MASP2: variants seen among roughly 807,000 people sequenced by gnomAD.
MASP2 encodes mannan-binding lectin serine protease 2.
A neutral mutation model predicts 57.1 loss-of-function variants in MASP2; 49 were observed. That is an observed-to-expected ratio of 0.86 (90% CI 0.68 to 1.09). MASP2 has a LOEUF of 1.09. Ranked by LOEUF, MASP2 falls within the 50% of genes least tolerant of loss-of-function variation. MASP2 has a pLI of 0.00. For synonymous variants in MASP2, 379 were observed against 340.8 expected, an observed-to-expected ratio of 1.11 and a Z score of -1.24; for missense variants, 900 against 874.8, an observed-to-expected ratio of 1.03 and a Z score of -0.36.
chr1:11,040,957 AGATG>A (rs757808259), intron 6 of MASP2, among the ~76,000 whole-genome samples: 10 of 146,698 alleles, frequency 6.8e-5, no homozygotes, highest in African/African-American at 1.3e-4. Context: ...ATAGCTGGAA[AGATG>A]GATGGATGGA....
In MASP2 at chr1:11,027,048, C is replaced by T; in HGVS notation, c.1898G>A (p.Ser633Asn). ...SGGKDSCRGD[S>N]GGALVFLDSE... ...ATCTAGAAACACCAGTGCCCCTCCG[C>T]TGTCACCTCTGCAGCTGTCCTTGCC... is the stretch of plus-strand genomic sequence containing the variant. The change falls in exon 11 of 11, where the codon AGC (serine) becomes AAC (asparagine). Residue 633 changes from serine to asparagine, a missense_variant. Transcript: ENST00000400897. 6.3e-7 allele frequency: 1 copy of T among 1,593,604 alleles called. No homozygotes were observed.
rs769743224 is a variant in MASP2, at chr1:11,043,425, C to T, written c.655G>A (p.Glu219Lys). 1 of 1,610,954 alleles carries T rather than the reference C, an allele frequency of 6.2e-7. No individual in the cohort carries two copies. The highest frequency in any genetic ancestry group is 1.7e-5 in the Admixed American group (1 of 59,616). The change falls in exon 5 of 11, where the codon GAG becomes AAG. Residue 219 changes from glutamate to lysine, a missense_variant. Transcript: ENST00000400897. ...AAGTCCAGAATGACACTGAACCCCTCCTCCAGGCTGATGCTGTAAGTGCAA... is the reference window on the plus strand; with the variant it reads ...AAGTCCAGAATGACACTGAACCCCTTCTCCAGGCTGATGCTGTAAGTGCAA... ...SSCTYSISLEEGFSVILDFVE... is the reference protein window; with the variant it reads ...SSCTYSISLEKGFSVILDFVE...
chr1:11,044,095 C>T (rs907137806), intron 4 of MASP2, among the ~76,000 whole-genome samples: 13 of 152,134 alleles, frequency 8.5e-5, no homozygotes, highest in African/African-American at 1.4e-4. Context: ...GTCTCCTACC[C>T]GAACCCAGCC....
chr1:11,039,528 T>C (rs1187999679), intron 6 of MASP2, among the ~76,000 whole-genome samples: 1 of 104,716 alleles, frequency 9.5e-6, no homozygotes, highest in Non-Finnish European at 2.1e-5. Flanking sequence ...GATGAATGGA[T>C]GGATGGGTGG....
intron 4 of MASP2, among the ~76,000 whole-genome samples, chr1:11,044,236 T>G (rs1417283532): frequency 6.6e-6 from 1 of 152,104 alleles, no homozygotes. Flanking sequence ...TGATCATGAC[T>G]GAGTCTGGTG....
chr1:11,045,748 A>C lies in MASP2; in HGVS notation c.413-209T>G, dbSNP rs1638619175. ...GCGCTGGGAGAAAGATGCAAACATC[A>C]CCTCTGTTAAACCAGTGGGAGTTTC... On this transcript the variant is annotated intron_variant, in intron 3 of 10. Transcript: ENST00000400897. 1.2e-5 allele frequency: 7 copies of C among 589,846 alleles called. No individual in the cohort carries two copies. In the East Asian group the frequency reaches 1.9e-4, roughly 16 times the overall value. The allele number at this position is 589,846 out of a possible 1,614,324, so 36.5% of individuals were successfully genotyped here. A position where few individuals can be genotyped will look rare whatever the true frequency, so the allele number is the denominator to read the frequency against.
intron 10 of MASP2, chr1:11,029,967 A>G: frequency 2.1e-6 from 1 of 469,444 alleles, no homozygotes; most frequent in Non-Finnish European, 3.8e-6. Flanking sequence ...AAGGTCAAAG[A>G]GAATCAAATG....
intron 8 of MASP2, among the ~76,000 whole-genome samples, chr1:11,033,097 G>A (rs1390631415): frequency 6.6e-6 from 1 of 152,110 alleles, no homozygotes; most frequent in East Asian, 1.9e-4. Context: ...GGGAAGCCAA[G>A]GTGGGTGGAT....
intron 3 of MASP2, 107 bp from the exon 4 acceptor site, chr1:11,045,646 C>T (rs1638615790): frequency 1.5e-6 from 2 of 1,299,682 alleles, no homozygotes; most frequent in African/African-American, 1.5e-5. Flanking sequence ...TCAGAGGAGG[C>T]CTCGTCCTGT....
chr1:11,039,777 C>T lies in MASP2; in HGVS notation c.890-1966G>A, dbSNP rs542892103. Among the ~76,000 whole-genome samples, 799 of 132,042 alleles carry T rather than the reference C, an allele frequency of 6.1e-3. 8 individuals carry two copies. Among genetic ancestry groups the T allele is most frequent in the African/African-American group, 0.022 (758 of 33,918 alleles). The allele number at this position is 132,042 out of a possible 152,430, so 86.6% of individuals were successfully genotyped here. ...ATAGAAGGATGTGTGGGTAGAAGGT[C>T]GGGTGGATGGTTGGATGAATAGAAG... On this transcript the variant is annotated intron_variant, in intron 6 of 10. Transcript: ENST00000400897.
intron 5 of MASP2, 152 bp downstream of exon 5, chr1:11,043,186 AG>A: frequency 1.0e-6 from 1 of 979,422 alleles, no homozygotes; most frequent in Non-Finnish European, 1.5e-6. Context: ...TTGTACTCGA[AG>A]GCCCCAGCCT....
chr1:11,043,448 C>A lies in MASP2; in HGVS notation c.632G>T (p.Cys211Phe). The A allele has an allele frequency of 6.2e-7, 1 of 1,611,022 alleles. No individual in the cohort carries two copies. Among genetic ancestry groups the A allele is most frequent in the Non-Finnish European group, 8.5e-7 (1 of 1,179,014 alleles). ...YPRPYPKLSS[C>F]TYSISLEEGF... ...CTCCTCCAGGCTGATGCTGTAAGTGCAACTGGAGAGTTTGGGATACGGCCG... is the reference window on the plus strand; with the variant it reads ...CTCCTCCAGGCTGATGCTGTAAGTGAAACTGGAGAGTTTGGGATACGGCCG... The change falls in exon 5 of 11, where the codon TGC becomes TTC. Residue 211 changes from cysteine to phenylalanine, a missense_variant. Transcript: ENST00000400897.
intron 6 of MASP2, among the ~76,000 whole-genome samples, chr1:11,042,659 A>G (rs1638496406): frequency 6.6e-6 from 1 of 151,852 alleles, no homozygotes; most frequent in African/African-American, 2.4e-5. Context: ...GGTTGGAAGA[A>G]TGAGTGGTGG....
chr1:11,028,697 GTTTTTTTTCT>G (rs1643782184), intron 10 of MASP2, among the ~76,000 whole-genome samples: 11 of 36,174 alleles, frequency 3.0e-4, no homozygotes, highest in African/African-American at 1.4e-3. Flanking sequence ...ATCTTTCTGG[GTTTTTTTTCT>G]TTTTTTTTTT....
chr1:11,029,904 G>A (rs941867361), intron 10 of MASP2: 5 of 260,844 alleles, frequency 1.9e-5, no homozygotes, highest in African/African-American at 4.5e-5. Flanking sequence ...GATTACAGGC[G>A]TGAGCCACAC....
intron 4 of MASP2, among the ~76,000 whole-genome samples, chr1:11,043,806 C>A (rs1037133882): frequency 2.6e-5 from 4 of 152,012 alleles, no homozygotes; most frequent in Non-Finnish European, 4.4e-5. Context: ...CGGGATGGAG[C>A]GCACAGGCCC....
chr1:11,046,989 G>GC lies in MASP2; in HGVS notation c.135dup (p.Arg46AlafsTer95). 7 of 1,555,762 alleles carry GC rather than the reference G, an allele frequency of 4.5e-6. No homozygotes were observed. The highest frequency in any genetic ancestry group is 6.1e-6 in the Non-Finnish European group (7 of 1,149,428). On this transcript the variant is annotated frameshift_variant, in exon 2 of 11. Transcript: ENST00000400897. LOFTEE classifies it high-confidence loss of function. Reference sequence around the variant, plus strand: ...CCGGGGGGTGCAGTCAGGGTCCAGCGCCGCTCCTGGTCATTGGCATACTCC... The same window carrying GC: ...CCGGGGGGTGCAGTCAGGGTCCAGCGCCCGCTCCTGGTCATTGGCATACTCC...
intron 3 of MASP2, chr1:11,045,751 T>C (rs984678134): frequency 1.7e-6 from 1 of 588,858 alleles, no homozygotes; most frequent in Non-Finnish European, 3.0e-6. Flanking sequence ...AAACATCACC[T>C]CTGTTAAACC....
At position 11,027,725 on chromosome 1, in the gene MASP2, A is replaced by C. The variant is rs1643763908; in HGVS notation, c.1298-77T>G. ...TTTTTCTTAAATTATGACCGCCTTG[A>C]AGTATATATTTGATGTCAACCAAAA... is the stretch of plus-strand genomic sequence containing the variant. On this transcript the variant is annotated intron_variant, in intron 10 of 10. Transcript: ENST00000400897. 5.4e-6 allele frequency: 8 copies of C among 1,477,320 alleles called. No homozygotes were observed. In the South Asian group the frequency reaches 8.1e-5, roughly 15 times the overall value. The allele number at this position is 1,477,320 out of a possible 1,614,324, so 91.5% of individuals were successfully genotyped here.
Sources: allele counts gnomAD v4.1 joint callset (sites outside exome capture counted in the v4.1 genomes callset), GRCh38; gene constraint gnomAD v4.1.1; transcripts MANE v1.5; gene names NCBI Gene and HGNC (gene_info 2026-07-23, HGNC 2026-07-21).